The following CEP128 variants were observed in gnomAD, a reference collection of about 807,000 sequenced individuals.
CEP128 encodes the protein centrosomal protein 128kDa.
Under a neutral mutation model 156.7 loss-of-function variants are expected in CEP128, and 132 were observed. That is an observed-to-expected ratio of 0.84 (90% confidence interval 0.73 to 0.97). CEP128 has a LOEUF of 0.97. Among genes scored for constraint, CEP128 ranks in the 50% least tolerant of loss-of-function variants. The probability of loss-of-function intolerance (pLI) is 0.00; values close to 1 mark genes in which losing one functional copy is unlikely to be tolerated. For missense variants in CEP128, 1,252 were observed against 1,281.9 expected (o/e 0.98, Z 0.36); for synonymous variants, 469 against 448.9 (o/e 1.04, Z -0.57).
At chr14:80,808,974 A>T (rs1884350682) in intron 13 of CEP128, among the ~76,000 whole-genome samples, 1 of 152,334 alleles carries the variant, frequency 6.6e-6, no homozygotes, top group African/African-American at 2.4e-5. Context: ...AAGGAAATAC[A>T]ACACCTTCAA....
intron 19 of CEP128, among the ~76,000 whole-genome samples, chr14:80,617,217 A>ATTTTTTTTTTT (rs1555382736): frequency 4.6e-5 from 2 of 43,138 alleles, no homozygotes; most frequent in African/African-American, 1.4e-4. Flanking sequence ...TGTGAATATC[A>ATTTTTTTTTTT]TCTTTTTTTT....
intron 13 of CEP128, among the ~76,000 whole-genome samples, chr14:80,807,324 A>G (rs903634638): frequency 1.3e-5 from 2 of 152,240 alleles, no homozygotes; most frequent in Middle Eastern, 3.2e-3. Context: ...AAGTAAAATT[A>G]ACTATTAAAG....
chr14:80,784,355 C>T (rs1901283864), intron 15 of CEP128, among the ~76,000 whole-genome samples: 1 of 151,686 alleles, frequency 6.6e-6, no homozygotes, highest in Admixed American at 6.6e-5. Context: ...AATGATTGCC[C>T]TGCATGGTGA....
At chr14:80,509,775 T>G (rs775717335) in intron 23 of CEP128, among the ~76,000 whole-genome samples, 2 of 152,200 alleles carry the variant, frequency 1.3e-5, no homozygotes, top group Non-Finnish European at 2.9e-5. Context: ...TCTATGGCTT[T>G]AATCCATTTT....
At chr14:80,814,148 G>A (rs1884714820) in intron 13 of CEP128, among the ~76,000 whole-genome samples, 1 of 152,130 alleles carries the variant, frequency 6.6e-6, no homozygotes, top group South Asian at 2.1e-4. Context: ...ATATCTAGAT[G>A]TGATTTTCAT....
At chr14:80,946,453 G>T (rs975506418), upstream of CEP128, among the ~76,000 whole-genome samples, 6 of 151,576 alleles carry the variant, frequency 4.0e-5, no homozygotes, top group Admixed American at 1.3e-4. Flanking sequence ...CCTTGACTAA[G>T]ATTATACTAA....
At chr14:80,795,415 C>A (rs942361071) in intron 13 of CEP128, among the ~76,000 whole-genome samples, 1 of 152,186 alleles carries the variant, frequency 6.6e-6, no homozygotes, top group Non-Finnish European at 1.5e-5. Context: ...GGCTCTCTAA[C>A]CCAAACACTG....
chr14:80,873,064 C>A (rs1434770678), intron 8 of CEP128, among the ~76,000 whole-genome samples: 1 of 152,188 alleles, frequency 6.6e-6, no homozygotes, highest in Non-Finnish European at 1.5e-5. Flanking sequence ...ATGTAAGGAA[C>A]TGGCACATGA....
At chr14:80,903,388 T>A (rs1459322886) in intron 6 of CEP128, among the ~76,000 whole-genome samples, 1 of 152,128 alleles carries the variant, frequency 6.6e-6, no homozygotes, top group Non-Finnish European at 1.5e-5. Flanking sequence ...CCTGAAACTG[T>A]AAAACCACTA....
chr14:80,868,024 G>A (rs1459609272), intron 8 of CEP128, among the ~76,000 whole-genome samples: 3 of 152,056 alleles, frequency 2.0e-5, no homozygotes, highest in Non-Finnish European at 2.9e-5. Flanking sequence ...TTTCTCAGCA[G>A]AAACCAGGAG....
intron 19 of CEP128, among the ~76,000 whole-genome samples, chr14:80,698,681 T>C (rs921639338): frequency 4.6e-5 from 7 of 152,100 alleles, no homozygotes; most frequent in African/African-American, 1.7e-4. Context: ...TGCATGTCTG[T>C]TTTCTGTGGC....
chr14:80,821,600 TACACACACACACAC>T lies in CEP128; in HGVS notation c.1209+9529_1209+9542del, dbSNP rs71103885. ...GTTATATGTCACACACATACACACA[TACACACACACACAC>T]ACACACACACACACACACACACACA... On this transcript the variant is annotated intron_variant, in intron 13 of 24. Transcript: ENST00000555265. 1.8e-3 allele frequency among the ~76,000 whole-genome samples: 263 copies of T among 145,372 alleles called. 2 individuals are homozygous for T. Among genetic ancestry groups the T allele is most frequent in the Middle Eastern group, 3.5e-3 (1 of 284 alleles).
chr14:80,796,397 T>A (rs1047969095), intron 13 of CEP128, among the ~76,000 whole-genome samples: 1 of 152,020 alleles, frequency 6.6e-6, no homozygotes, highest in Non-Finnish European at 1.5e-5. Flanking sequence ...GAGGTGGAGT[T>A]TGCAGTGAAC....
At chr14:80,557,287 A>G (rs990701482) in intron 21 of CEP128, among the ~76,000 whole-genome samples, 1 of 152,326 alleles carries the variant, frequency 6.6e-6, no homozygotes, top group African/African-American at 2.4e-5. Flanking sequence ...AATAAGAAGT[A>G]ACAAGCAATC....
At chr14:80,738,879 C>T (rs1157915687) in intron 19 of CEP128, among the ~76,000 whole-genome samples, 1 of 152,194 alleles carries the variant, frequency 6.6e-6, no homozygotes, top group East Asian at 1.9e-4. Flanking sequence ...TTTATGCTCA[C>T]AGCCATGTAT....
chr14:80,816,326 A>T (rs1884856126), intron 13 of CEP128, among the ~76,000 whole-genome samples: 2 of 152,102 alleles, frequency 1.3e-5, no homozygotes. Flanking sequence ...GCAGGCCCCT[A>T]GCTTGGTATT....
At chr14:80,539,789 A>G (rs935892914) in intron 21 of CEP128, among the ~76,000 whole-genome samples, 7 of 152,154 alleles carry the variant, frequency 4.6e-5, no homozygotes, top group African/African-American at 1.4e-4. Context: ...TTCTTTTCCT[A>G]GCAAGGAATA....
At chr14:80,791,325 TATC>T (rs1423385592) in intron 14 of CEP128, among the ~76,000 whole-genome samples, 1 of 152,210 alleles carries the variant, frequency 6.6e-6, no homozygotes, top group Non-Finnish European at 1.5e-5. Context: ...CTTCTTTGCT[TATC>T]ATTAGTAATG....
intron 8 of CEP128, among the ~76,000 whole-genome samples, chr14:80,880,809 G>A (rs1888501441): frequency 6.7e-6 from 1 of 149,278 alleles, no homozygotes; most frequent in Admixed American, 6.7e-5. Context: ...GTTGCAGTGA[G>A]TCAAGATCTC....
Sources: allele counts gnomAD v4.1 joint callset (sites outside exome capture counted in the v4.1 genomes callset), GRCh38; gene constraint gnomAD v4.1.1; transcripts MANE v1.5; gene names NCBI Gene and HGNC (gene_info 2026-07-23, HGNC 2026-07-21).